CASR: variants seen among roughly 807,000 people sequenced by gnomAD.
CASR encodes the protein extracellular calcium-sensing receptor.
CASR carries 23 observed loss-of-function variants against 69.1 expected under a neutral mutation model. The observed-to-expected ratio is 0.33, with a 90% CI of 0.24 to 0.47. The LOEUF is 0.47. Among genes scored for constraint, CASR ranks in the 20% least tolerant of loss-of-function variants. CASR has a pLI of 1.00. For missense variants in CASR, 924 were observed against 1,356.1 expected (o/e 0.68, Z 5.00); for synonymous variants, 541 against 544.7 (o/e 0.99, Z 0.10).
chr3:122,197,227 T>C (rs1433532759), intron 1 of CASR, among the ~76,000 whole-genome samples: 3 of 152,176 alleles, frequency 2.0e-5, no homozygotes, highest in Non-Finnish European at 2.9e-5. Context: ...CCTGGAAATA[T>C]TGGCACAAAA....
intron 1 of CASR, among the ~76,000 whole-genome samples, chr3:122,184,981 G>T (rs1021744228): frequency 6.6e-6 from 1 of 152,078 alleles, no homozygotes; most frequent in Non-Finnish European, 1.5e-5. Flanking sequence ...AGGATTCCTG[G>T]TCCAAGCTAC....
chr3:122,205,280 T>C (rs1043860735), intron 1 of CASR, among the ~76,000 whole-genome samples: 1 of 152,134 alleles, frequency 6.6e-6, no homozygotes, highest in African/African-American at 2.4e-5. Flanking sequence ...CTAGTTTCAT[T>C]CTTCTGCATA....
At chr3:122,188,374 T>A (rs1250345397) in intron 1 of CASR, among the ~76,000 whole-genome samples, 1 of 152,222 alleles carries the variant, frequency 6.6e-6, no homozygotes, top group Non-Finnish European at 1.5e-5. Context: ...CCTGAGATTC[T>A]GGTCTGTTAT....
intron 4 of CASR, among the ~76,000 whole-genome samples, chr3:122,268,860 A>G (rs181088283): frequency 1.3e-4 from 20 of 152,346 alleles, no homozygotes; most frequent in Non-Finnish European, 2.8e-4. Context: ...CTCTCACACA[A>G]GAAACCACAG....
At position 122,198,873 on chromosome 3, in the gene CASR, A is replaced by G. The variant is rs566300099; in HGVS notation, c.-243+15061A>G. On this transcript the variant is annotated intron_variant, in intron 1 of 6. Transcript: ENST00000639785. ...TATATATGGGGGATAAAGAATAATTATAAAATGGACACCTGTATTCCCAAA... is the reference window on the plus strand; with the variant it reads ...TATATATGGGGGATAAAGAATAATTGTAAAATGGACACCTGTATTCCCAAA... Among the ~76,000 whole-genome samples, 9 of 152,192 alleles carry G rather than the reference A, an allele frequency of 5.9e-5. No homozygotes were observed. The East Asian group carries it at 1.7e-3, about 29-fold the overall frequency.
At chr3:122,251,858 C>CTATG (rs1415573771) in intron 1 of CASR, among the ~76,000 whole-genome samples, 1 of 152,254 alleles carries the variant, frequency 6.6e-6, no homozygotes, top group Non-Finnish European at 1.5e-5. Context: ...AGTAGTGGAA[C>CTATG]TATGATTCAA....
chr3:122,271,762 C>G (rs1320485828), intron 4 of CASR, among the ~76,000 whole-genome samples: 1 of 152,146 alleles, frequency 6.6e-6, no homozygotes, highest in African/African-American at 2.4e-5. Context: ...CTCCCTAGGC[C>G]CCCAAAGCCC....
intron 1 of CASR, among the ~76,000 whole-genome samples, chr3:122,252,422 A>G (rs1190200817): frequency 1.3e-5 from 1 of 75,236 alleles, no homozygotes; most frequent in Non-Finnish European, 2.8e-5. Context: ...AGAAAGAAAG[A>G]AAGAAAGAAA....
At position 122,211,392 on chromosome 3, in the gene CASR, G is replaced by GA. The variant is rs1188274127; in HGVS notation, c.-243+27587dup. Among the ~76,000 whole-genome samples, 4 of 152,036 alleles carry GA rather than the reference G, an allele frequency of 2.6e-5. No homozygotes were observed. The South Asian group carries it at 8.3e-4, about 32-fold the overall frequency. ...ACAAGGAACTTAAACAAATTTACAA[G>GA]AAAAAAACAACCCCATTAAAAAGTA... On this transcript the variant is annotated intron_variant, in intron 1 of 6. Coordinates refer to ENST00000639785, the MANE Select transcript of CASR (RefSeq NM_000388.4).
chr3:122,232,942 C>T (rs893419531), intron 1 of CASR, among the ~76,000 whole-genome samples: 1 of 152,042 alleles, frequency 6.6e-6, no homozygotes, highest in Non-Finnish European at 1.5e-5. Context: ...ATGATAAAGA[C>T]AAAAATAAGA....
chr3:122,227,115 C>T (rs1467379710), intron 1 of CASR, among the ~76,000 whole-genome samples: 1 of 152,258 alleles, frequency 6.6e-6, no homozygotes, highest in African/African-American at 2.4e-5. Flanking sequence ...CAAAGGTTCT[C>T]CAAGTCTCCA....
At chr3:122,233,360 GTC>G (rs1263327593) in intron 1 of CASR, among the ~76,000 whole-genome samples, 1 of 152,232 alleles carries the variant, frequency 6.6e-6, no homozygotes, top group Non-Finnish European at 1.5e-5. Context: ...CTCTCCTGGT[GTC>G]TCTCTTGTCT....
At chr3:122,194,721 G>A (rs2073872140) in intron 1 of CASR, among the ~76,000 whole-genome samples, 1 of 152,116 alleles carries the variant, frequency 6.6e-6, no homozygotes, top group South Asian at 2.1e-4. Context: ...AGGGTTTCCA[G>A]AACTCCCTTC....
chr3:122,262,225 G>T lies in CASR; in HGVS notation c.1190G>T (p.Gly397Val), dbSNP rs1210105383. ...ACAGCCTTCCGACCCCTCTGTACAG[G>T]GGATGAGAACATCAGCAGTGTCGAG... is the stretch of plus-strand genomic sequence containing the variant. ...SSTAFRPLCT[G>V]DENISSVETP... is the part of the protein sequence containing the mutation. Residue 397 changes from glycine (G) to valine (V), a missense_variant, in exon 4 of 7, where the codon GGG becomes GTG. Coordinates refer to ENST00000639785, the MANE Select transcript of CASR (RefSeq NM_000388.4). The T allele has an allele frequency of 6.2e-7, 1 of 1,614,124 alleles. No homozygotes were observed.
Position 122,259,090 on chromosome 3 carries a change from G to A in CASR, c.492+1703G>A, listed in dbSNP as rs905940944. On this transcript the variant is annotated intron_variant, in intron 3 of 6. Coordinates refer to ENST00000639785, the MANE Select transcript of CASR (RefSeq NM_000388.4). The stretch of plus-strand genomic sequence containing the variant: ...CTTACAATAAAAAAAAGTTTTGTGT[G>A]TTTCTGAGGGGTTTTTTGGGGGGTT... Among the ~76,000 whole-genome samples the A allele has an allele frequency of 7.9e-5, 12 of 152,172 alleles. No homozygotes were observed. In the East Asian group the frequency reaches 2.3e-3, roughly 29 times the overall value.
intron 1 of CASR, among the ~76,000 whole-genome samples, chr3:122,252,407 G>GT (rs1452510552): frequency 2.3e-4 from 1 of 4,326 alleles, no homozygotes; most frequent in Non-Finnish European, 5.6e-4. Flanking sequence ...AGGAAGGAAG[G>GT]AAAAAGAAAG....
chr3:122,245,685 G>T (rs995301381), intron 1 of CASR, among the ~76,000 whole-genome samples: 5 of 152,128 alleles, frequency 3.3e-5, no homozygotes, highest in African/African-American at 1.2e-4. Flanking sequence ...GAACCCACCG[G>T]TAGGTTACTA....
chr3:122,204,868 G>C (rs1002494296), intron 1 of CASR, among the ~76,000 whole-genome samples: 1 of 152,104 alleles, frequency 6.6e-6, no homozygotes, highest in African/African-American at 2.4e-5. Context: ...CCATTTGTAT[G>C]TCTTCTTTTG....
At chr3:122,208,605 A>G (rs1214910278) in intron 1 of CASR, among the ~76,000 whole-genome samples, 3 of 152,194 alleles carry the variant, frequency 2.0e-5, no homozygotes, top group Admixed American at 2.0e-4. Flanking sequence ...TGTTTATTAC[A>G]TTAATGATAT....
Sources: allele counts gnomAD v4.1 joint callset (sites outside exome capture counted in the v4.1 genomes callset), GRCh38; gene constraint gnomAD v4.1.1; transcripts MANE v1.5; gene names NCBI Gene and HGNC (gene_info 2026-07-23, HGNC 2026-07-21).